The following ARK2C variants were observed in gnomAD, a reference collection of about 807,000 sequenced individuals.
ARK2C encodes the protein arkadia (RNF111) C-terminal like ring finger ubiquitin ligase 2C.
the ARK2C span, among the ~76,000 whole-genome samples, chr18:46,358,056 C>T: frequency 7.9e-5 from 12 of 152,202 alleles, no homozygotes; most frequent in African/African-American, 2.9e-4. Context: ...ATGACCTCAT[C>T]TGAACTTGAT....
chr18:46,387,614 C>T, the ARK2C span, among the ~76,000 whole-genome samples: 65 of 152,398 alleles, frequency 4.3e-4, no homozygotes, highest in South Asian at 1.0e-3. Context: ...ACATTCCCCA[C>T]TTGGAAGAAG....
chr18:46,426,653 C>G, the ARK2C span, among the ~76,000 whole-genome samples: 1 of 152,188 alleles, frequency 6.6e-6, no homozygotes, highest in South Asian at 2.1e-4. Flanking sequence ...TTCTAAGATG[C>G]ACATTTTTCT....
At chr18:46,440,360 T>A in the ARK2C span, among the ~76,000 whole-genome samples, 1 of 152,236 alleles carries the variant, frequency 6.6e-6, no homozygotes, top group Non-Finnish European at 1.5e-5. Context: ...TTATTGGTTA[T>A]TGTTAGCCTC....
chr18:46,393,112 G>C, the ARK2C span, among the ~76,000 whole-genome samples: 1 of 152,162 alleles, frequency 6.6e-6, no homozygotes. Flanking sequence ...CCTGCTGTCT[G>C]AGCTTCACAA....
At chr18:46,359,003 G>A in the ARK2C span, among the ~76,000 whole-genome samples, 9 of 152,150 alleles carry the variant, frequency 5.9e-5, no homozygotes, top group East Asian at 1.9e-4. Flanking sequence ...AGCTAGGCTC[G>A]AGTCCTGACA....
the ARK2C span, chr18:46,433,163 G>A: frequency 6.5e-7 from 1 of 1,531,526 alleles, no homozygotes; most frequent in Non-Finnish European, 8.8e-7. Flanking sequence ...TGGTCGTCAT[G>A]GAGATGTCTC....
the ARK2C span, among the ~76,000 whole-genome samples, chr18:46,435,049 T>C: frequency 6.6e-6 from 1 of 152,158 alleles, no homozygotes; most frequent in Non-Finnish European, 1.5e-5. Context: ...GAGAGACCTC[T>C]GCACAGCGGG....
chr18:46,365,779 C>T, the ARK2C span, among the ~76,000 whole-genome samples: 1 of 152,158 alleles, frequency 6.6e-6, no homozygotes, highest in African/African-American at 2.4e-5. Context: ...GGACATCTCA[C>T]TTTGCTGCTG....
At chr18:46,414,384 C>T in the ARK2C span, among the ~76,000 whole-genome samples, 1 of 152,218 alleles carries the variant, frequency 6.6e-6, no homozygotes, top group African/African-American at 2.4e-5. Flanking sequence ...ACCTGACTAA[C>T]CCCAGCAGGC....
chr18:46,460,908 C>G, the ARK2C span: 82 of 152,530 alleles, frequency 5.4e-4, no homozygotes, highest in African/African-American at 1.9e-3. Flanking sequence ...TTGGCACCCC[C>G]CCGCCCCCAC....
the ARK2C span, among the ~76,000 whole-genome samples, chr18:46,402,207 C>G: frequency 6.6e-6 from 1 of 152,228 alleles, no homozygotes; most frequent in African/African-American, 2.4e-5. Flanking sequence ...TGTTGGTTAA[C>G]TCTTCTTGCA....
the ARK2C span, chr18:46,433,575 G>T: frequency 7.3e-7 from 1 of 1,362,406 alleles, no homozygotes; most frequent in Non-Finnish European, 1.0e-6. Context: ...CAGGGCGTGG[G>T]CAGGGCCAGG....
chr18:46,390,516 T>G, the ARK2C span, among the ~76,000 whole-genome samples: 45 of 152,350 alleles, frequency 3.0e-4, no homozygotes, highest in African/African-American at 1.1e-3. Flanking sequence ...GGCATATATA[T>G]TCTATCTATT....
the ARK2C span, among the ~76,000 whole-genome samples, chr18:46,431,513 C>T: frequency 6.6e-6 from 1 of 152,160 alleles, no homozygotes; most frequent in East Asian, 1.9e-4. Context: ...CCAGTTTCAC[C>T]CTGGGGCTGT....
the ARK2C span, among the ~76,000 whole-genome samples, chr18:46,420,295 A>G: frequency 4.6e-5 from 7 of 152,182 alleles, no homozygotes; most frequent in African/African-American, 1.7e-4. Context: ...CTTGGGGCAG[A>G]ACAGAGGAGG....
At chr18:46,375,379 C>A in the ARK2C span, among the ~76,000 whole-genome samples, 4 of 151,976 alleles carry the variant, frequency 2.6e-5, no homozygotes, top group East Asian at 1.9e-4. Context: ...ATGGGCAAAA[C>A]CCTGTCTCTA....
the ARK2C span, among the ~76,000 whole-genome samples, chr18:46,412,687 G>C: frequency 2.6e-5 from 4 of 152,182 alleles, no homozygotes; most frequent in Admixed American, 6.5e-5. Flanking sequence ...GGCCGGAAGG[G>C]AATTGCTGGT....
chr18:46,367,817 G>A, the ARK2C span, among the ~76,000 whole-genome samples: 7 of 152,226 alleles, frequency 4.6e-5, no homozygotes, highest in African/African-American at 7.2e-5. Flanking sequence ...AATCACTTCA[G>A]TGCTTGAGAC....
At chr18:46,395,884 A>G in the ARK2C span, among the ~76,000 whole-genome samples, 161 of 152,280 alleles carry the variant, frequency 1.1e-3, no homozygotes, top group Middle Eastern at 3.4e-3. Context: ...TCGCCATTCT[A>G]TGGGAAAGCC....
Sources: allele counts gnomAD v4.1 joint callset (sites outside exome capture counted in the v4.1 genomes callset), GRCh38; gene constraint gnomAD v4.1.1; transcripts MANE v1.5; gene names NCBI Gene and HGNC (gene_info 2026-07-23, HGNC 2026-07-21).